The following NRP1 variants were observed in gnomAD, a reference collection of about 807,000 sequenced individuals.
NRP1 encodes the protein neuropilin-1.
Under a neutral mutation model 106.7 loss-of-function variants are expected in NRP1, and 35 were observed. The observed-to-expected ratio is 0.33, with a 90% CI of 0.25 to 0.43. NRP1 has a LOEUF of 0.43. NRP1 is among the 20% of genes least tolerant of loss of function. The probability of loss-of-function intolerance (pLI) is 1.00; values close to 1 mark genes in which losing one functional copy is unlikely to be tolerated. For missense variants in NRP1, 1,024 were observed against 1,170.4 expected (o/e 0.87, Z 1.83); for synonymous variants, 437 against 417.9 (o/e 1.05, Z -0.56).
intron 10 of NRP1, among the ~76,000 whole-genome samples, chr10:33,206,538 G>A (rs938336969): frequency 3.3e-5 from 5 of 151,542 alleles, no homozygotes; most frequent in Non-Finnish European, 5.9e-5. Context: ...TATTTAATGT[G>A]CTCAGGAATG....
chr10:33,246,601 C>T (rs1841448076), intron 6 of NRP1, among the ~76,000 whole-genome samples: 3 of 151,878 alleles, frequency 2.0e-5, no homozygotes, highest in Admixed American at 2.0e-4. Flanking sequence ...CACACACACA[C>T]ACACACACAG....
intron 10 of NRP1, chr10:33,206,425 T>C (rs1249373059): frequency 2.2e-6 from 1 of 450,752 alleles, no homozygotes; most frequent in African/African-American, 2.0e-5. Flanking sequence ...TAGGAGAAAA[T>C]GGCCTGCTTT....
rs192875435 is a variant in NRP1 at position 33,202,482 on chromosome 10, T to G, written c.1864+409A>C. ...CTTTATCCATTTGTTGGATAAAGGA[T>G]CCACTCAAAAAAACTTGTCCTCATT... On this transcript the variant is annotated intron_variant, in intron 11 of 16. Coordinates refer to ENST00000374867, the MANE Select transcript of NRP1 (RefSeq NM_003873.7). The G allele has an allele frequency of 4.2e-4, 359 of 861,376 alleles. 2 individuals carry two copies. Among genetic ancestry groups the G allele is most frequent in the Non-Finnish European group, 2.8e-5 (17 of 604,014 alleles). The allele number at this position is 861,376 out of a possible 1,614,324, so 53.4% of individuals were successfully genotyped here. A position where few individuals can be genotyped will look rare whatever the true frequency, so the allele number is the denominator to read the frequency against.
chr10:33,180,586 AT>A (rs2132563719), intron 16 of NRP1, among the ~76,000 whole-genome samples: 1 of 152,262 alleles, frequency 6.6e-6, no homozygotes, highest in African/African-American at 2.4e-5. Flanking sequence ...CCCATTCTGG[AT>A]CAACTGGGAG....
At chr10:33,241,527 T>A (rs1588821966) in intron 6 of NRP1, among the ~76,000 whole-genome samples, 1 of 152,286 alleles carries the variant, frequency 6.6e-6, no homozygotes, top group East Asian at 1.9e-4. Context: ...GTGGCTCATC[T>A]ATTCACTGGA....
At chr10:33,211,430 A>G (rs1328796336) in intron 9 of NRP1, 2 of 152,234 alleles carry the variant, frequency 1.3e-5, no homozygotes, top group African/African-American at 4.8e-5. Context: ...TGTTTATTTT[A>G]CTTTTTCTTC....
chr10:33,194,908 A>T (rs895989676), intron 12 of NRP1: 49 of 386,678 alleles, frequency 1.3e-4, no homozygotes, highest in Non-Finnish European at 3.6e-5. Flanking sequence ...AATGAAACAA[A>T]CATATAGGAC....
At chr10:33,202,780 T>C in intron 11 of NRP1, 111 bp downstream of exon 11, 5 of 1,598,606 alleles carry the variant, frequency 3.1e-6, no homozygotes, top group Non-Finnish European at 4.3e-6. Flanking sequence ...CTTCTATTCC[T>C]GGGCAGCTCT....
At chr10:33,270,381 CA>C (rs1843220159) in intron 3 of NRP1, among the ~76,000 whole-genome samples, 1 of 148,798 alleles carries the variant, frequency 6.7e-6, no homozygotes, top group African/African-American at 2.5e-5. Context: ...GGCCAGAGTG[CA>C]ATGGCCTGTG....
chr10:33,254,339 T>C, intron 5 of NRP1, 145 bp from the exon 6 acceptor site: 2 of 618,890 alleles, frequency 3.2e-6, no homozygotes, highest in Non-Finnish European at 5.4e-6. Flanking sequence ...AATATAGCAC[T>C]GATACTTGGA....
Position 33,186,506 on chromosome 10 carries a change from T to G in NRP1, c.2063-18A>C. On this transcript the variant is annotated intron_variant, in intron 13 of 16. Transcript: ENST00000374867. ...GCCATCTCCTGCTGTGACAAAGAAC[T>G]GTGTTAGGGAGAGTGGCCAGGATTA... is the stretch of plus-strand genomic sequence containing the variant. The G allele has an allele frequency of 6.3e-7, 1 of 1,592,214 alleles. No individual in the cohort carries two copies. The highest frequency in any genetic ancestry group is 8.6e-7 in the Non-Finnish European group (1 of 1,166,024).
rs112020602 is a variant in NRP1, at chr10:33,318,438, C to T, written c.248+12270G>A. 6.0e-3 allele frequency among the ~76,000 whole-genome samples: 915 copies of T among 152,180 alleles called. 12 individuals are homozygous for T. The highest frequency in any genetic ancestry group is 0.02 in the African/African-American group (847 of 41,528). On this transcript the variant is annotated intron_variant, in intron 2 of 16. Transcript: ENST00000374867. The stretch of plus-strand genomic sequence containing the variant: ...AGGATCCCCTGACAATCCAAAATCC[C>T]CAGCTTGCGTGAATGAACTAACAGA...
intron 3 of NRP1, among the ~76,000 whole-genome samples, chr10:33,270,304 G>A (rs146724638): frequency 1.3e-4 from 20 of 151,160 alleles, no homozygotes; most frequent in East Asian, 1.2e-3. Flanking sequence ...TTTGTCTTTC[G>A]TGAAATCAAA....
chr10:33,198,265 C>G (rs1836952672), intron 11 of NRP1, among the ~76,000 whole-genome samples: 1 of 151,708 alleles, frequency 6.6e-6, no homozygotes, highest in African/African-American at 2.4e-5. Flanking sequence ...CCTCAGACTC[C>G]CGAGTAGCTG....
chr10:33,186,093 CA>C, intron 14 of NRP1, 123 bp downstream of exon 14: 1 of 1,265,280 alleles, frequency 7.9e-7, no homozygotes, highest in Non-Finnish European at 1.1e-6. Flanking sequence ...AGCAATATCT[CA>C]GGGTTGGGAA....
Position 33,265,838 on chromosome 10 carries a change from G to A in NRP1, c.431-1965C>T, listed in dbSNP as rs183555286. On this transcript the variant is annotated intron_variant, in intron 3 of 16. Coordinates refer to ENST00000374867, the MANE Select transcript of NRP1 (RefSeq NM_003873.7). The stretch of plus-strand genomic sequence containing the variant: ...CAGTTCCAGGTAGAGATTATGACAT[G>A]TGCTGTATGGTTTATAATCTTAGTT... Among the ~76,000 whole-genome samples the A allele has an allele frequency of 6.4e-4, 97 of 152,294 alleles. 1 individual carries two copies. The highest frequency in any genetic ancestry group is 2.2e-3 in the African/African-American group (92 of 41,554).
At chr10:33,258,005 G>A (rs1842317690) in intron 4 of NRP1, among the ~76,000 whole-genome samples, 1 of 152,186 alleles carries the variant, frequency 6.6e-6, no homozygotes. Flanking sequence ...GGAGGGAGGG[G>A]CCTTTAACAG....
intron 1 of NRP1, 104 bp from the exon 2 acceptor site, chr10:33,330,986 G>A (rs1202225861): frequency 3.0e-5 from 31 of 1,032,406 alleles, no homozygotes; most frequent in Admixed American, 5.4e-5. Context: ...AACTTTTTAA[G>A]GGGAACTCTA....
chr10:33,249,756 T>C (rs533868355), intron 6 of NRP1, among the ~76,000 whole-genome samples: 1 of 152,212 alleles, frequency 6.6e-6, no homozygotes. Context: ...GATATGGCTG[T>C]GTGCAAACCT....
Sources: allele counts gnomAD v4.1 joint callset (sites outside exome capture counted in the v4.1 genomes callset), GRCh38; gene constraint gnomAD v4.1.1; transcripts MANE v1.5; gene names NCBI Gene and HGNC (gene_info 2026-07-23, HGNC 2026-07-21).